Variants in DDX11 observed in about 807,000 individuals in gnomAD.
DDX11 encodes the protein DEAD/H-box helicase 11, also known as ATP-dependent DNA helicase DDX11.
A neutral mutation model predicts 125.2 loss-of-function variants in DDX11; 72 were observed. The observed-to-expected ratio is 0.58, with a 90% CI of 0.48 to 0.70. DDX11 has a LOEUF of 0.70. Ranked by LOEUF, DDX11 falls within the 30% of genes least tolerant of loss-of-function variation. DDX11 has a pLI of 0.00. For missense variants in DDX11, 883 were observed against 1,165.0 expected, an observed-to-expected ratio of 0.76 and a Z score of 3.52; for synonymous variants, 347 against 452.6, an observed-to-expected ratio of 0.77 and a Z score of 2.96.
Position 31,103,054 on chromosome 12 carries a change from A to C in DDX11, c.2457+34A>C, listed in dbSNP as rs58929360. ...CCCCAGTGTCACAGAGGGTGACAGG[A>C]GAGTAGGCAGTGGGTGGGAGTGGCA... is the stretch of plus-strand genomic sequence containing the variant. On this transcript the variant is annotated intron_variant, in intron 24 of 26. Coordinates refer to ENST00000542838, the MANE Select transcript of DDX11 (RefSeq NM_030653.4). 94 of 1,607,158 alleles carry C rather than the reference A, an allele frequency of 5.8e-5. No homozygotes were observed. In the African/African-American group the frequency reaches 1.2e-3, roughly 21 times the overall value.
intron 18 of DDX11, among the ~76,000 whole-genome samples, chr12:31,099,580 C>T (rs1280877970): frequency 6.7e-6 from 1 of 148,364 alleles, no homozygotes; most frequent in African/African-American, 2.5e-5. Flanking sequence ...TCCTCTTTGC[C>T]TTTAGAGTGT....
chr12:31,092,415 G>A (rs1944403022), intron 10 of DDX11, among the ~76,000 whole-genome samples: 1 of 152,134 alleles, frequency 6.6e-6, no homozygotes, highest in Non-Finnish European at 1.5e-5. Context: ...TGTGGAGCTG[G>A]GGTGTGCCCA....
intron 2 of DDX11, among the ~76,000 whole-genome samples, chr12:31,082,323 GT>G (rs1457482751): frequency 6.6e-6 from 1 of 151,678 alleles, no homozygotes; most frequent in African/African-American, 2.4e-5. Flanking sequence ...TTTTGTGTGT[GT>G]TAATGTCCTG....
rs1426970754 is a variant in DDX11 at position 31,089,487 on chromosome 12, C to T, written c.877C>T (p.His293Tyr). 1.1e-5 allele frequency: 18 copies of T among 1,612,932 alleles called. No individual in the cohort carries two copies. Among genetic ancestry groups the T allele is most frequent in the Non-Finnish European group, 1.5e-5 (18 of 1,179,274 alleles). ...CTGTGTGGACATGCAGAGAAGCAGG[C>T]ACGGTAGCCACTGGGACCATGGTGT... The part of the protein sequence containing the change: ...DRCVDMQRSR[H>Y]EKKKGAEEEK... Residue 293 changes from histidine (H) to tyrosine (Y), a missense_variant, in exon 8 of 27, where the codon CAC becomes TAC. Physicochemically the swap from His to Tyr is moderately conservative, Grantham distance 83 (BLOSUM62 2). Coordinates refer to ENST00000542838, the MANE Select transcript of DDX11 (RefSeq NM_030653.4).
chr12:31,089,551 A>G (rs1401054251), intron 8 of DDX11, 61 bp downstream of exon 8: 8 of 1,524,992 alleles, frequency 5.2e-6, no homozygotes, highest in Admixed American at 1.7e-5. Flanking sequence ...CAGGGGTGGC[A>G]GTGACTGAAG....
chr12:31,094,951 C>A (rs115558646), intron 14 of DDX11, 129 bp downstream of exon 14: 3 of 987,286 alleles, frequency 3.0e-6, no homozygotes, highest in Non-Finnish European at 3.2e-6. Flanking sequence ...TAACCCTTAA[C>A]GCAACATGCC....
In DDX11 at chr12:31,096,018, CTTTTTT is replaced by C. The variant is rs10587699; in HGVS notation, c.1483-316_1483-311del. Among the ~76,000 whole-genome samples, 1,064 of 150,224 alleles carry C rather than the reference CTTTTTT, an allele frequency of 7.1e-3. 10 individuals carry two copies. Among genetic ancestry groups the C allele is most frequent in the Non-Finnish European group, 0.012 (778 of 67,304 alleles). On this transcript the variant is annotated intron_variant, in intron 14 of 26. Transcript: ENST00000542838. ...TCTGTGGCTTTGCTCATAGAAGTTC[CTTTTTT>C]TTTTTTAACTCTTTGTCACCTGGAA...
Position 31,084,974 on chromosome 12 carries a change from G to A in DDX11, c.486G>A (p.Gln162=). 6.2e-7 allele frequency: 1 copy of A among 1,606,456 alleles called. No homozygotes were observed. The highest frequency in any genetic ancestry group is 8.5e-7 in the Non-Finnish European group (1 of 1,176,168). ...QLKYAAKRLR[Q]EEEERENLLR... ...CCTCCACTACCCCTGTCCAGAGGCA[G>A]GAAGAAGAAGAAAGAGAGAATCTCC... The change falls in exon 5 of 27, where the codon CAG becomes CAA. Residue 162 remains glutamine (Q), a synonymous_variant. Coordinates refer to ENST00000542838, the MANE Select transcript of DDX11 (RefSeq NM_030653.4).
intron 19 of DDX11, 76 bp from the exon 20 acceptor site, chr12:31,100,951 A>G: frequency 1.5e-6 from 2 of 1,361,218 alleles, no homozygotes; most frequent in Non-Finnish European, 2.1e-6. Context: ...ATGATGGGGC[A>G]GGGAAATGCC....
intron 9 of DDX11, 137 bp downstream of exon 9, chr12:31,090,231 C>A (rs1943967820): frequency 1.2e-6 from 1 of 860,496 alleles, no homozygotes. Flanking sequence ...CCCATTCTCT[C>A]CTGATGTGTG....
At chr12:31,075,888 A>T (rs184886963) in intron 1 of DDX11, among the ~76,000 whole-genome samples, 213 of 152,310 alleles carry the variant, frequency 1.4e-3, no homozygotes, top group Middle Eastern at 6.8e-3. Context: ...GTGATTTTTT[A>T]AAAGTGACTT....
At chr12:31,076,940 CTCT>C (rs1282282069) in intron 1 of DDX11, 3 of 153,412 alleles carry the variant, frequency 2.0e-5, no homozygotes, top group South Asian at 2.0e-4. Context: ...TGTGAGTTCT[CTCT>C]TCTTGTGCAA....
At chr12:31,082,361 C>T (rs1272444620) in intron 2 of DDX11, among the ~76,000 whole-genome samples, 3 of 151,840 alleles carry the variant, frequency 2.0e-5, no homozygotes, top group African/African-American at 7.3e-5. Context: ...GAGGAAGGTG[C>T]CGCTGTTGTC....
At chr12:31,098,463 C>G (rs1188398404) in intron 18 of DDX11, among the ~76,000 whole-genome samples, 1 of 152,272 alleles carries the variant, frequency 6.6e-6, no homozygotes, top group Admixed American at 6.5e-5. Flanking sequence ...GTCTCCTTGT[C>G]AGCAAGCATG....
chr12:31,092,484 G>A (rs1268601194), intron 10 of DDX11, among the ~76,000 whole-genome samples: 1 of 152,134 alleles, frequency 6.6e-6, no homozygotes, highest in Non-Finnish European at 1.5e-5. Flanking sequence ...ACCTGTGCCT[G>A]GGCTGAATTG....
chr12:31,075,650 G>A (rs1940597834), intron 1 of DDX11, among the ~76,000 whole-genome samples: 1 of 152,178 alleles, frequency 6.6e-6, no homozygotes, highest in African/African-American at 2.4e-5. Context: ...CCCAGCCTCG[G>A]AAGAGAAACC....
In DDX11 at chr12:31,096,946, T is replaced by C; in HGVS notation, c.1718T>C (p.Leu573Pro). The change falls in exon 17 of 27, where the codon CTC becomes CCC. Residue 573 changes from leucine to proline, a missense_variant. Leu to Pro is a moderately conservative substitution (Grantham distance 98, BLOSUM62 -3). Around this residue, in one of 5 missense-constraint regions of DDX11, gnomAD observed 241 missense variants for 279.7 expected, o/e 0.86. Coordinates refer to ENST00000542838, the MANE Select transcript of DDX11 (RefSeq NM_030653.4). The stretch of plus-strand genomic sequence containing the variant: ...CACATCCAAGGCTTCCTGGCAGCTC[T>C]CACTACGGCCAACCAGGACGGCAGG... The part of the protein sequence containing the change: ...LMHIQGFLAA[L>P]TTANQDGRVI... 1 of 1,614,022 alleles carries C rather than the reference T, an allele frequency of 6.2e-7. No homozygotes were observed. The highest frequency in any genetic ancestry group is 8.5e-7 in the Non-Finnish European group (1 of 1,180,006).
At chr12:31,099,109 A>G (rs1272961095) in intron 18 of DDX11, among the ~76,000 whole-genome samples, 1 of 35,038 alleles carries the variant, frequency 2.9e-5, no homozygotes. Flanking sequence ...TTTTTTTGAG[A>G]CACAGTCTCG....
At chr12:31,077,296 GA>G (rs1012787572) in intron 1 of DDX11, among the ~76,000 whole-genome samples, 7 of 150,874 alleles carry the variant, frequency 4.6e-5, no homozygotes, top group African/African-American at 1.2e-4. Context: ...CAGGAGAGGA[GA>G]AAAAAAAAGA....
Sources: gnomAD v4.1 joint callset for allele counts (sites outside exome capture counted in the v4.1 genomes callset) on GRCh38, gnomAD v4.1.1 for gene constraint, gnomAD v4.1.1 regional missense constraint, MANE v1.5 for transcripts, NCBI Gene and HGNC (gene_info 2026-07-23, HGNC 2026-07-21) for gene names.